The following MAPKBP1 variants were observed in gnomAD, a reference collection of about 807,000 sequenced individuals.
The protein encoded by MAPKBP1 is mitogen-activated protein kinase-binding protein 1.
A neutral mutation model predicts 170.5 loss-of-function variants in MAPKBP1; 71 were observed. The ratio of observed to expected loss-of-function variants is 0.42; its 90% CI spans 0.34 to 0.51. MAPKBP1 has a LOEUF of 0.51. Among genes scored for constraint, MAPKBP1 ranks in the 20% least tolerant of loss-of-function variants. The pLI, the probability that MAPKBP1 is intolerant of heterozygous loss-of-function variation, is 0.06. For synonymous variants in MAPKBP1, 719 were observed against 757.9 expected, an observed-to-expected ratio of 0.95 and a Z score of 0.84; for missense variants, 1,598 against 1,933.0, an observed-to-expected ratio of 0.83 and a Z score of 3.25.
intron 2 of MAPKBP1, among the ~76,000 whole-genome samples, chr15:41,781,730 T>C (rs2064192512): frequency 6.6e-6 from 1 of 152,180 alleles, no homozygotes; most frequent in Non-Finnish European, 1.5e-5. Context: ...TGTGAAACCA[T>C]ATGGCTGATT....
chr15:41,813,043 C>T lies in MAPKBP1; in HGVS notation c.761C>T (p.Ser254Leu), dbSNP rs1567148944. The T allele has an allele frequency of 6.2e-7, 1 of 1,613,822 alleles. No homozygotes were observed. Among genetic ancestry groups the T allele is most frequent in the Non-Finnish European group, 8.5e-7 (1 of 1,179,798 alleles). ...GACAGTACCTTCTGCATCACGTCCT[C>T]AGGGCTGCTGTGCGAGTTCAGTGAT... ...KADSTFCITS[S>L]GLLCEFSDRR... Residue 254 changes from serine (S) to leucine (L), a missense_variant, in exon 8 of 31, where the codon TCA becomes TTA. Coordinates refer to ENST00000457542, the MANE Select transcript of MAPKBP1 (RefSeq NM_014994.3).
At chr15:41,813,517 G>T (rs1423974314) in intron 8 of MAPKBP1, 104 bp from the exon 9 acceptor site, 124 of 1,511,584 alleles carry the variant, frequency 8.2e-5, no homozygotes, top group Non-Finnish European at 1.1e-4. Context: ...CCTTGCCCCT[G>T]CCTTGGCCGG....
chr15:41,799,731 G>A (rs879583206), intron 2 of MAPKBP1, 92 bp from the exon 3 acceptor site: 22 of 914,084 alleles, frequency 2.4e-5, no homozygotes, highest in Non-Finnish European at 3.7e-5. Flanking sequence ...CTGGAAAGTA[G>A]CCAGTGCCTC....
intron 2 of MAPKBP1, among the ~76,000 whole-genome samples, chr15:41,777,363 G>C (rs1047946353): frequency 1.3e-5 from 2 of 151,654 alleles, no homozygotes; most frequent in Admixed American, 1.3e-4. Flanking sequence ...AAAAGGAAAG[G>C]CTTCACAGAG....
chr15:41,782,092 C>CAAAAA (rs58449893), intron 2 of MAPKBP1, among the ~76,000 whole-genome samples: 1 of 111,204 alleles, frequency 9.0e-6, no homozygotes, highest in Non-Finnish European at 1.8e-5. Flanking sequence ...ACTAAAAATA[C>CAAAAA]AAAAAAAAAA....
chr15:41,803,155 C>G (rs2064627786), intron 3 of MAPKBP1, among the ~76,000 whole-genome samples: 2 of 151,780 alleles, frequency 1.3e-5, no homozygotes, highest in Admixed American at 1.3e-4. Context: ...TGGCTCACGC[C>G]TATAATCCTA....
At chr15:41,781,483 C>T (rs1335675587) in intron 2 of MAPKBP1, among the ~76,000 whole-genome samples, 1 of 147,510 alleles carries the variant, frequency 6.8e-6, no homozygotes, top group African/African-American at 2.5e-5. Context: ...AAGATATTTT[C>T]CTTTCCCTGC....
chr15:41,799,373 C>T (rs2064550061), intron 2 of MAPKBP1, among the ~76,000 whole-genome samples: 1 of 152,112 alleles, frequency 6.6e-6, no homozygotes, highest in South Asian at 2.1e-4. Context: ...TAATTGATAC[C>T]TAACATTCTT....
chr15:41,786,777 A>AAATATATATAT lies in MAPKBP1; in HGVS notation c.114+11389_114+11390insATATATATATA. ...CAGACTCCGTCTAAAAAAAAAAAAAAATATATATATATATATATATATATA... is the reference window on the plus strand; with the variant it reads ...CAGACTCCGTCTAAAAAAAAAAAAAAAATATATATATATATATATATATATATATATATATA... On this transcript the variant is annotated intron_variant, in intron 2 of 30. Coordinates refer to ENST00000457542, the MANE Select transcript of MAPKBP1 (RefSeq NM_014994.3). Among the ~76,000 whole-genome samples, 85 of 32,400 alleles carry AAATATATATAT rather than the reference A, an allele frequency of 2.6e-3. 1 individual carries two copies. The highest frequency in any genetic ancestry group is 3.9e-3 in the Non-Finnish European group (71 of 17,984). The allele number at this position is 32,400 out of a possible 152,430, so 21.3% of individuals were successfully genotyped here.
At chr15:41,824,184 T>C in intron 29 of MAPKBP1, 123 bp downstream of exon 29, 2 of 1,355,158 alleles carry the variant, frequency 1.5e-6, no homozygotes, top group Admixed American at 2.3e-5. Context: ...TCCTGTCTGC[T>C]CCTGTCGCAG....
At chr15:41,815,571 C>T (rs1266559939) in intron 11 of MAPKBP1, 53 bp from the exon 12 acceptor site, 1 of 1,575,872 alleles carries the variant, frequency 6.3e-7, no homozygotes, top group Non-Finnish European at 8.7e-7. Context: ...TTGCCCCTTG[C>T]AGCTGTACTG....
intron 2 of MAPKBP1, among the ~76,000 whole-genome samples, chr15:41,776,616 T>C (rs1375213390): frequency 6.6e-6 from 1 of 152,216 alleles, no homozygotes; most frequent in African/African-American, 2.4e-5. Flanking sequence ...CTCTGTTCAT[T>C]CTTAATACTG....
intron 2 of MAPKBP1, among the ~76,000 whole-genome samples, chr15:41,792,075 A>G (rs999481861): frequency 1.3e-5 from 2 of 149,348 alleles, no homozygotes; most frequent in African/African-American, 2.5e-5. Context: ...AAAGACTGCA[A>G]TCTGCAGGCT....
rs770589872 is a variant in MAPKBP1, at chr15:41,799,883, C to A, written c.175C>A (p.Pro59Thr). The change falls in exon 3 of 31, where the codon CCC (proline) becomes ACC (threonine). Residue 59 changes from proline (P) to threonine (T), a missense_variant. Pro to Thr is a conservative substitution (Grantham distance 38). Around this residue, in one of 6 missense-constraint regions of MAPKBP1, gnomAD observed 151 missense variants for 191.4 expected, o/e 0.79. Transcript: ENST00000457542. ...VSGGRGLACD[P>T]RSGLVAYPAG... ...TGGAGGCAGAGGACTTGCCTGTGAC[C>A]CCCGATCAGGTTTAGTTGCTTACCC... 5.0e-6 allele frequency: 8 copies of A among 1,613,938 alleles called. No individual in the cohort carries two copies. The African/African-American group carries it at 5.3e-5, about 11-fold the overall frequency.
At chr15:41,788,548 G>A (rs958556158) in intron 2 of MAPKBP1, among the ~76,000 whole-genome samples, 6 of 152,150 alleles carry the variant, frequency 3.9e-5, no homozygotes, top group Non-Finnish European at 7.4e-5. Flanking sequence ...AGAATCAGAG[G>A]GGATGTGACA....
rs367978625 is a variant in MAPKBP1, at chr15:41,822,620, C to T, written c.3257C>T (p.Ser1086Leu). 38 of 1,614,088 alleles carry T rather than the reference C, an allele frequency of 2.4e-5. No homozygotes were observed. The African/African-American group carries it at 4.7e-4, about 20-fold the overall frequency. ...GCCCCAGTGCAGGTCCCAGAGAGGT[C>T]AGAGTCTCGGAGTATCTCTTCACGA... ...PGAPVQVPER[S>L]ESRSISSRFL... The change falls in exon 27 of 31, where the codon TCA (serine) becomes TTA (leucine). Residue 1086 changes from serine to leucine, a missense_variant. Around this residue, in one of 6 missense-constraint regions of MAPKBP1, gnomAD observed 942 missense variants for 953.2 expected, o/e 0.99. Coordinates refer to ENST00000457542, the MANE Select transcript of MAPKBP1 (RefSeq NM_014994.3).
intron 2 of MAPKBP1, among the ~76,000 whole-genome samples, chr15:41,789,441 C>T (rs2064357101): frequency 6.6e-6 from 1 of 152,166 alleles, no homozygotes; most frequent in Non-Finnish European, 1.5e-5. Flanking sequence ...AATCTGCTCT[C>T]TGGACTTGGG....
chr15:41,802,680 G>C (rs1193959595), intron 3 of MAPKBP1, among the ~76,000 whole-genome samples: 2 of 152,170 alleles, frequency 1.3e-5, no homozygotes, highest in Admixed American at 1.3e-4. Flanking sequence ...CGCCATGTTG[G>C]CCAGGCTGGT....
chr15:41,815,194 C>G, intron 10 of MAPKBP1, 65 bp from the exon 11 acceptor site: 1 of 1,593,176 alleles, frequency 6.3e-7, no homozygotes, highest in Non-Finnish European at 8.6e-7. Context: ...TCCCTTCCAT[C>G]TCCTTGGGTA....
Sources: gnomAD v4.1 joint callset for allele counts (sites outside exome capture counted in the v4.1 genomes callset) on GRCh38, gnomAD v4.1.1 for gene constraint, gnomAD v4.1.1 regional missense constraint, MANE v1.5 for transcripts, NCBI Gene and HGNC (gene_info 2026-07-23, HGNC 2026-07-21) for gene names.